The following FGF13 variants were observed in gnomAD, a reference collection of about 807,000 sequenced individuals.
FGF13 encodes the protein fibroblast growth factor 13, also known as fibroblast growth factor homologous factor 2.
A neutral mutation model predicts 19.5 loss-of-function variants in FGF13; 2 were observed. The ratio of observed to expected loss-of-function variants is 0.10; its 90% confidence interval spans 0.04 to 0.32. The LOEUF (loss-of-function observed/expected upper bound fraction) is 0.32, where lower values mean the gene tolerates loss of function less well. Among genes scored for constraint, FGF13 ranks in the 10% least tolerant of loss-of-function variants. The probability of loss-of-function intolerance (pLI) is 1.00; values close to 1 mark genes in which losing one functional copy is unlikely to be tolerated. For synonymous variants in FGF13, 72 were observed against 76.9 expected (o/e 0.94, Z 0.33); for missense variants, 113 against 192.7 (o/e 0.59, Z 2.45).
chrX:139,139,581 A>T, intron 1 of FGF13, among the ~76,000 whole-genome samples: 1 of 112,450 alleles, frequency 8.9e-6, no homozygotes, highest in Non-Finnish European at 1.9e-5. Context: ...AGCGGGGAAA[A>T]TTTATTTGTT....
chrX:139,099,883 T>A (rs993686364), intron 1 of FGF13, among the ~76,000 whole-genome samples: 1 of 111,151 alleles, frequency 9.0e-6, no homozygotes, highest in Non-Finnish European at 1.9e-5. Context: ...GTCATAAAAA[T>A]GGCGATTTAT....
rs913386346 is a variant in FGF13 at position 138,615,121 on chromosome X, G to T, written c.*17729C>A. On this transcript the variant is annotated 3_prime_UTR_variant, in exon 5 of 5. Transcript: ENST00000315930. ...GTTCCATATCTTGATCATTGTAGTG[G>T]TTACCCAAATATACACATGTGGTAA... The T allele has an allele frequency of 1.8e-5, 2 of 111,447 alleles. No homozygotes were observed. Among genetic ancestry groups the T allele is most frequent in the Admixed American group, 9.5e-5 (1 of 10,472 alleles). 9.2% of individuals were successfully genotyped at this position (111,447 alleles called of 1,213,427 possible). A position where few individuals can be genotyped will look rare whatever the true frequency, so the allele number is the denominator to read the frequency against.
chrX:139,120,845 T>C (rs189735221), intron 1 of FGF13, among the ~76,000 whole-genome samples: 32 of 112,574 alleles, frequency 2.8e-4, no homozygotes, highest in Non-Finnish European at 4.9e-4. Context: ...CAGACTGAAG[T>C]CAGGCCTAAA....
intron 1 of FGF13, among the ~76,000 whole-genome samples, chrX:138,930,368 T>C (rs1299567456): frequency 8.9e-6 from 1 of 112,213 alleles, no homozygotes; most frequent in Non-Finnish European, 1.9e-5. Flanking sequence ...GTTTAGATTG[T>C]AAGGTTTTAT....
intron 3 of FGF13, among the ~76,000 whole-genome samples, chrX:138,649,341 C>T (rs2089342147): frequency 1.8e-5 from 2 of 111,960 alleles, no homozygotes; most frequent in Non-Finnish European, 3.8e-5. Context: ...AGAATATTGC[C>T]CTTCAGTGAG....
intron 3 of FGF13, among the ~76,000 whole-genome samples, chrX:138,822,463 G>A: frequency 8.9e-6 from 1 of 111,830 alleles, no homozygotes; most frequent in Non-Finnish European, 1.9e-5. Context: ...TAACTGAAGA[G>A]TGTTTAATAA....
intron 1 of FGF13, among the ~76,000 whole-genome samples, chrX:139,078,183 GC>G (rs1418940617): frequency 1.8e-5 from 2 of 109,969 alleles, no homozygotes; most frequent in Non-Finnish European, 3.8e-5. Context: ...AACTGCTCAG[GC>G]CATTAGCACA....
At chrX:138,951,803 G>A (rs1204294462) in intron 1 of FGF13, among the ~76,000 whole-genome samples, 1 of 111,860 alleles carries the variant, frequency 8.9e-6, no homozygotes, top group East Asian at 2.8e-4. Context: ...GGTATAGCCT[G>A]TTTAGAAATA....
chrX:138,719,050 G>A (rs1394532254), intron 1 of FGF13, among the ~76,000 whole-genome samples: 1 of 112,150 alleles, frequency 8.9e-6, no homozygotes, highest in Non-Finnish European at 1.9e-5. Flanking sequence ...GTACATAAGT[G>A]GAAGTGCAAG....
chrX:138,894,172 C>T (rs1167709195), intron 1 of FGF13, among the ~76,000 whole-genome samples: 2 of 109,787 alleles, frequency 1.8e-5, no homozygotes, highest in Non-Finnish European at 3.8e-5. Context: ...TTTCAAAATG[C>T]CCCGGGTCTC....
intron 3 of FGF13, among the ~76,000 whole-genome samples, chrX:138,782,279 A>G (rs1174403452): frequency 1.8e-5 from 2 of 112,502 alleles, no homozygotes; most frequent in Non-Finnish European, 3.7e-5. Flanking sequence ...CACCACTCCT[A>G]TTCAACAAAG....
At chrX:139,158,177 C>T (rs753440121) in intron 1 of FGF13, among the ~76,000 whole-genome samples, 6 of 109,147 alleles carry the variant, frequency 5.5e-5, no homozygotes, top group South Asian at 4.0e-4. Context: ...CAAAACGGTG[C>T]GGCCATTTGG....
intron 1 of FGF13, among the ~76,000 whole-genome samples, chrX:138,902,290 G>A (rs2091535355): frequency 8.9e-6 from 1 of 112,169 alleles, no homozygotes; most frequent in African/African-American, 3.2e-5. Context: ...GTTATAGCAA[G>A]GGATAAATGT....
At chrX:138,797,575 T>G (rs2090788710) in intron 3 of FGF13, among the ~76,000 whole-genome samples, 1 of 108,411 alleles carries the variant, frequency 9.2e-6, no homozygotes, top group Non-Finnish European at 1.9e-5. Context: ...CTAAAGGTAG[T>G]TTTTTTTTTC....
chrX:139,195,869 G>C (rs1053731851), intron 1 of FGF13, among the ~76,000 whole-genome samples: 1 of 112,307 alleles, frequency 8.9e-6, no homozygotes, highest in African/African-American at 3.2e-5. Context: ...AATGAGTTAC[G>C]TAAGTAGTGA....
chrX:138,999,042 T>C (rs1222240932), intron 1 of FGF13, among the ~76,000 whole-genome samples: 4 of 111,777 alleles, frequency 3.6e-5, no homozygotes, highest in Non-Finnish European at 3.8e-5. Flanking sequence ...GACTAAAAAC[T>C]GCACAACTAC....
chrX:139,053,472 C>T (rs1160959508), intron 1 of FGF13, among the ~76,000 whole-genome samples: 14 of 105,623 alleles, frequency 1.3e-4, no homozygotes, highest in African/African-American at 2.1e-4. Flanking sequence ...GGTATTGCAT[C>T]GTGGTTTTGA....
intron 1 of FGF13, among the ~76,000 whole-genome samples, chrX:138,877,798 C>T (rs1178287640): frequency 1.8e-5 from 2 of 112,327 alleles, no homozygotes; most frequent in African/African-American, 3.2e-5. Flanking sequence ...TGCATATATA[C>T]AGCACATTTT....
At chrX:138,841,835 T>C (rs2091151770) in intron 3 of FGF13, among the ~76,000 whole-genome samples, 1 of 111,653 alleles carries the variant, frequency 9.0e-6, no homozygotes, top group African/African-American at 3.3e-5. Context: ...CCTGATCTCA[T>C]AGACTTGCTG....
Sources: allele counts gnomAD v4.1 joint callset (sites outside exome capture counted in the v4.1 genomes callset), GRCh38; gene constraint gnomAD v4.1.1; transcripts MANE v1.5; gene names NCBI Gene and HGNC (gene_info 2026-07-23, HGNC 2026-07-21).